The following CSMD2 variants were observed in gnomAD, a reference collection of about 807,000 sequenced individuals.
The protein encoded by CSMD2 is CUB and Sushi multiple domains 2.
CSMD2 carries 130 observed loss-of-function variants against 398.5 expected under a neutral mutation model. The observed-to-expected ratio is 0.33, with a 90% CI of 0.28 to 0.38. The LOEUF (loss-of-function observed/expected upper bound fraction) is 0.38, where lower values mean the gene tolerates loss of function less well. CSMD2 is among the 10% of genes least tolerant of loss of function. The pLI, the probability that CSMD2 is intolerant of heterozygous loss-of-function variation, is 1.00. For synonymous variants in CSMD2, 1,828 were observed against 1,908.5 expected (o/e 0.96, Z 1.10); for missense variants, 3,829 against 4,764.9 (o/e 0.80, Z 5.78).
At position 33,832,278 on chromosome 1, in the gene CSMD2, C is replaced by G. The variant is rs572818556; in HGVS notation, c.1034-6504G>C. 2.0e-5 allele frequency among the ~76,000 whole-genome samples: 3 copies of G among 152,106 alleles called. No individual in the cohort carries two copies. The East Asian group carries it at 5.8e-4, about 29-fold the overall frequency. On this transcript the variant is annotated intron_variant, in intron 6 of 70. Coordinates refer to ENST00000373381, the MANE Select transcript of CSMD2 (RefSeq NM_001281956.2). Reference sequence around the variant, plus strand: ...TAGTTGGAAGTAAAGCACTCCTCAGCAAATGTAAAAGAACAGAAATTATAA... The same window carrying G: ...TAGTTGGAAGTAAAGCACTCCTCAGGAAATGTAAAAGAACAGAAATTATAA...
chr1:33,725,358 G>A lies in CSMD2; in HGVS notation c.2686C>T (p.Arg896Cys), dbSNP rs764484038. 100 of 1,613,702 alleles carry A rather than the reference G, an allele frequency of 6.2e-5. No homozygotes were observed. Among genetic ancestry groups the A allele is most frequent in the Non-Finnish European group, 7.9e-5 (93 of 1,179,804 alleles). ...GCCCACTGAGACTCACTCTCATAGC[G>A]GAGCTGGAAGCCGATGTCCGAGTGA... ...KSHSDIGFQLRYETITLQSDH... is the reference protein window; with the variant it reads ...KSHSDIGFQLCYETITLQSDH... The change falls in exon 17 of 71, where the codon CGC (arginine) becomes TGC (cysteine). Residue 896 changes from arginine (R) to cysteine (C), a missense_variant. This residue lies in a region of CSMD2 where 2,001 missense variants were observed against 2,567.1 expected (regional missense o/e 0.78). Coordinates refer to ENST00000373381, the MANE Select transcript of CSMD2 (RefSeq NM_001281956.2).
chr1:33,849,429 A>G (rs994981529), intron 5 of CSMD2, among the ~76,000 whole-genome samples: 4 of 152,246 alleles, frequency 2.6e-5, no homozygotes, highest in African/African-American at 4.8e-5. Flanking sequence ...ACTCATTCAT[A>G]TGAAACTCTG....
chr1:34,022,099 G>A (rs1040955498), intron 3 of CSMD2, among the ~76,000 whole-genome samples: 11 of 152,142 alleles, frequency 7.2e-5, no homozygotes, highest in Non-Finnish European at 2.9e-5. Context: ...CCTTTCACAT[G>A]GGGCAAGACG....
At chr1:34,120,151 TG>T (rs1184041000) in intron 1 of CSMD2, among the ~76,000 whole-genome samples, 3 of 152,204 alleles carry the variant, frequency 2.0e-5, no homozygotes, top group Non-Finnish European at 4.4e-5. Flanking sequence ...AGACATTATA[TG>T]AAGTGCAATA....
intron 15 of CSMD2, among the ~76,000 whole-genome samples, chr1:33,730,797 A>G (rs2149220488): frequency 6.6e-6 from 1 of 152,300 alleles, no homozygotes; most frequent in African/African-American, 2.4e-5. Context: ...AAAGAAGTTA[A>G]GTAAAAAAGA....
chr1:33,623,667 G>A (rs1641916019), intron 35 of CSMD2, among the ~76,000 whole-genome samples: 1 of 152,226 alleles, frequency 6.6e-6, no homozygotes, highest in South Asian at 2.1e-4. Flanking sequence ...GAAGACAGAT[G>A]TGGAAAAAAA....
At chr1:33,599,964 T>C (rs1329263009) in intron 44 of CSMD2, 3 of 598,672 alleles carry the variant, frequency 5.0e-6, no homozygotes. Context: ...CTGCGGAGGC[T>C]GGGTTCTGTT....
chr1:33,824,456 G>A (rs1020433500), intron 7 of CSMD2, among the ~76,000 whole-genome samples: 1 of 152,190 alleles, frequency 6.6e-6, no homozygotes, highest in Non-Finnish European at 1.5e-5. Context: ...TGTGGCAACT[G>A]TCTCCACTCA....
At chr1:33,696,061 T>C (rs1400719934) in intron 24 of CSMD2, among the ~76,000 whole-genome samples, 1 of 152,242 alleles carries the variant, frequency 6.6e-6, no homozygotes. Context: ...GTACCTAGTA[T>C]ACTGTTTGGC....
intron 5 of CSMD2, among the ~76,000 whole-genome samples, chr1:33,887,223 C>G (rs1558055201): frequency 1.4e-5 from 2 of 140,610 alleles, no homozygotes; most frequent in Non-Finnish European, 1.5e-5. Flanking sequence ...GGAATTGCTC[C>G]TAAAGAAATA....
chr1:33,810,523 C>T (rs182490764), intron 10 of CSMD2, among the ~76,000 whole-genome samples: 1 of 152,116 alleles, frequency 6.6e-6, no homozygotes, highest in East Asian at 1.9e-4. Flanking sequence ...TTAAGCTGAA[C>T]GATGGCTGCA....
intron 11 of CSMD2, among the ~76,000 whole-genome samples, chr1:33,791,274 T>C (rs1021488950): frequency 2.6e-5 from 4 of 152,198 alleles, no homozygotes; most frequent in Non-Finnish European, 5.9e-5. Flanking sequence ...TCTGAAACCT[T>C]TGGGCCTCAG....
At chr1:33,695,749 GA>G (rs1351537263) in intron 24 of CSMD2, among the ~76,000 whole-genome samples, 3 of 152,214 alleles carry the variant, frequency 2.0e-5, no homozygotes, top group African/African-American at 7.2e-5. Context: ...CTTTTCAGTA[GA>G]GCCCACTGAG....
chr1:34,106,140 G>A (rs1660503305), intron 1 of CSMD2, among the ~76,000 whole-genome samples: 1 of 152,058 alleles, frequency 6.6e-6, no homozygotes, highest in South Asian at 2.1e-4. Flanking sequence ...ATATAATATG[G>A]TCCATGCCCT....
chr1:33,790,487 C>T (rs1654097339), intron 11 of CSMD2, among the ~76,000 whole-genome samples: 1 of 152,190 alleles, frequency 6.6e-6, no homozygotes, highest in African/African-American at 2.4e-5. Context: ...TGAACTGTAA[C>T]ATCAGCTCTT....
intron 6 of CSMD2, among the ~76,000 whole-genome samples, chr1:33,827,712 T>A (rs938871770): frequency 3.3e-5 from 5 of 152,228 alleles, no homozygotes; most frequent in African/African-American, 1.2e-4. Flanking sequence ...CCTTATACTT[T>A]CAACAACCTT....
intron 1 of CSMD2, among the ~76,000 whole-genome samples, chr1:34,103,531 G>A (rs1660223428): frequency 6.6e-6 from 1 of 151,812 alleles, no homozygotes; most frequent in Non-Finnish European, 1.5e-5. Flanking sequence ...ATCTGACCTT[G>A]CGATTCGCCC....
intron 2 of CSMD2, among the ~76,000 whole-genome samples, chr1:34,086,991 T>A (rs1657958359): frequency 6.6e-6 from 1 of 151,892 alleles, no homozygotes; most frequent in Non-Finnish European, 1.5e-5. Context: ...GAATTCAAAC[T>A]AGCAGAGCAT....
intron 27 of CSMD2, 72 bp from the exon 28 acceptor site, chr1:33,652,533 C>G: frequency 6.4e-7 from 1 of 1,563,534 alleles, no homozygotes; most frequent in Non-Finnish European, 8.8e-7. Context: ...GTTGCTAATG[C>G]ACTATTGAGA....
Sources: allele counts gnomAD v4.1 joint callset (sites outside exome capture counted in the v4.1 genomes callset), GRCh38; gene constraint gnomAD v4.1.1; regional missense constraint gnomAD v4.1.1; transcripts MANE v1.5; gene names NCBI Gene and HGNC (gene_info 2026-07-23, HGNC 2026-07-21).